The following RASIP1 variants were observed in gnomAD, a reference collection of about 807,000 sequenced individuals.
RASIP1 encodes the protein ras-interacting protein 1.
RASIP1 carries 20 observed loss-of-function variants against 85.3 expected under a neutral mutation model. The observed-to-expected ratio is 0.23, with a 90% confidence interval of 0.17 to 0.34. The LOEUF (loss-of-function observed/expected upper bound fraction) is 0.34, where lower values mean the gene tolerates loss of function less well. Ranked by LOEUF, RASIP1 falls within the 10% of genes least tolerant of loss-of-function variation. The pLI, the probability that RASIP1 is intolerant of heterozygous loss-of-function variation, is 1.00. For missense variants in RASIP1, 1,170 were observed against 1,390.9 expected, an observed-to-expected ratio of 0.84 and a Z score of 2.53; for synonymous variants, 617 against 647.1, an observed-to-expected ratio of 0.95 and a Z score of 0.71.
At position 48,735,793 on chromosome 19, in the gene RASIP1, C is replaced by CTT. The variant is rs113487965; in HGVS notation, c.824-244_824-243dup. 2.6e-3 allele frequency among the ~76,000 whole-genome samples: 383 copies of CTT among 145,316 alleles called. 2 individuals carry two copies. Among genetic ancestry groups the CTT allele is most frequent in the African/African-American group, 8.8e-3 (351 of 39,886 alleles). ...CTTTTCCATTGAATCATTTGTTCTT[C>CTT]TTTTTTTTTTTTTTTATTTCAATAC... On this transcript the variant is annotated intron_variant, in intron 3 of 11. Coordinates refer to ENST00000222145, the MANE Select transcript of RASIP1 (RefSeq NM_017805.3).
At chr19:48,725,837 T>C (rs1215747551) in intron 8 of RASIP1, among the ~76,000 whole-genome samples, 1 of 152,140 alleles carries the variant, frequency 6.6e-6, no homozygotes, top group African/African-American at 2.4e-5. Flanking sequence ...ACTTAGAAAG[T>C]GGGAGATTCA....
At chr19:48,737,585 C>G (rs2033596017) in intron 3 of RASIP1, 2 of 985,458 alleles carry the variant, frequency 2.0e-6, no homozygotes, top group Admixed American at 6.1e-5. Context: ...AGCGGCTCCG[C>G]CCATCTTAGT....
intron 3 of RASIP1, 68 bp from the exon 4 acceptor site, chr19:48,735,619 A>G (rs971205937): frequency 7.1e-7 from 1 of 1,399,424 alleles, no homozygotes; most frequent in Non-Finnish European, 9.4e-7. Context: ...GCTGCAGATT[A>G]TGAGACAAAG....
In RASIP1 at chr19:48,738,879, C is replaced by CA; in HGVS notation, c.823+80dup. ...GCCCCCAGCCAGCCCGCGAGTCCCA[C>CA]AAGCCCCGCCCAGGCCCCGCCCCAC... On this transcript the variant is annotated intron_variant, in intron 3 of 11. Transcript: ENST00000222145. The surrounding 1 kb of genome is among the most constrained non-coding windows in gnomAD (Gnocchi z 4.0). The CA allele has an allele frequency of 9.0e-7, 1 of 1,107,120 alleles. No homozygotes were observed. The highest frequency in any genetic ancestry group is 1.1e-6 in the Non-Finnish European group (1 of 895,516). 68.6% of individuals were successfully genotyped at this position (1,107,120 alleles called of 1,614,324 possible).
Position 48,738,892 on chromosome 19 carries a change from G to A in RASIP1, c.823+68C>T. 1.3e-5 allele frequency: 7 copies of A among 549,120 alleles called. No individual in the cohort carries two copies. Among genetic ancestry groups the A allele is most frequent in the Non-Finnish European group, 1.5e-5 (7 of 455,120 alleles). The allele number at this position is 549,120 out of a possible 1,614,324, so 34.0% of individuals were successfully genotyped here. A position where few individuals can be genotyped will look rare whatever the true frequency, so the allele number is the denominator to read the frequency against. ...CCGCGAGTCCCACAAGCCCCGCCCA[G>A]GCCCCGCCCCACGGACCCCGCCTCT... On this transcript the variant is annotated intron_variant, in intron 3 of 11. Transcript: ENST00000222145. This position sits in a 1 kb window ranked among gnomAD's most constrained non-coding sequence, Gnocchi z 4.0.
At chr19:48,727,716 C>A (rs1335955154) in intron 5 of RASIP1, among the ~76,000 whole-genome samples, 4 of 135,506 alleles carry the variant, frequency 3.0e-5, no homozygotes, top group African/African-American at 1.1e-4. Context: ...GATGGAGTTA[C>A]CCTGTTGTTG....
chr19:48,731,749 A>G (rs2033462502), intron 4 of RASIP1, among the ~76,000 whole-genome samples: 1 of 152,006 alleles, frequency 6.6e-6, no homozygotes, highest in African/African-American at 2.4e-5. Flanking sequence ...AAAGACTCCT[A>G]CCTCCAAAAG....
chr19:48,736,600 T>A (rs392775), intron 3 of RASIP1, among the ~76,000 whole-genome samples: 140,279 of 152,174 alleles, frequency 0.92, 64,815 homozygotes, highest in Middle Eastern at 0.98. Context: ...TGGACCCAGC[T>A]GGAACCCTGG....
chr19:48,730,143 C>T (rs1389673776), intron 4 of RASIP1, among the ~76,000 whole-genome samples: 1 of 151,514 alleles, frequency 6.6e-6, no homozygotes, highest in Middle Eastern at 3.2e-3. Flanking sequence ...ACACCCATCC[C>T]GAAGACCGGC....
intron 4 of RASIP1, among the ~76,000 whole-genome samples, chr19:48,732,792 T>G (rs1011707850): frequency 2.0e-5 from 3 of 152,204 alleles, no homozygotes; most frequent in Admixed American, 6.5e-5. Context: ...AGCTCTTTCC[T>G]GAAGAGAGTC....
Position 48,724,214 on chromosome 19 carries a change from A to G in RASIP1, c.2544+123T>C, listed in dbSNP as rs2033302003. The G allele has an allele frequency of 3.9e-6, 4 of 1,022,450 alleles. No homozygotes were observed. Among genetic ancestry groups the G allele is most frequent in the Non-Finnish European group, 5.7e-6 (4 of 705,102 alleles). The allele number at this position is 1,022,450 out of a possible 1,614,324, so 63.3% of individuals were successfully genotyped here. On this transcript the variant is annotated intron_variant, in intron 10 of 11. Coordinates refer to ENST00000222145, the MANE Select transcript of RASIP1 (RefSeq NM_017805.3). This position sits in a 1 kb window ranked among gnomAD's most constrained non-coding sequence, Gnocchi z 4.6. ...GCCAATGTGTTACCCACAGTGTCTG[A>G]GCTGGGGCTGGGGATGGCATGGGGT...
At position 48,735,357 on chromosome 19, in the gene RASIP1, G is replaced by C; in HGVS notation, c.1018C>G (p.Gln340Glu). ...CTAAGTGCCTGCTGTCTCCGCTCCT[G>C]CTGCCGCCGCCGCCGCCCCTGAAGG... Reference protein sequence around the residue: ...LSLQGRRRRQQERRQQALSMA... With the variant: ...LSLQGRRRRQEERRQQALSMA... Residue 340 changes from glutamine to glutamate, a missense_variant, in exon 4 of 12, where the codon CAG becomes GAG. Coordinates refer to ENST00000222145, the MANE Select transcript of RASIP1 (RefSeq NM_017805.3). 6.2e-7 allele frequency: 1 copy of C among 1,612,690 alleles called. No individual in the cohort carries two copies. The highest frequency in any genetic ancestry group is 1.1e-5 in the South Asian group (1 of 91,052).
In RASIP1 at chr19:48,738,870, C is replaced by G. The variant is rs1217653133; in HGVS notation, c.823+90G>C. 1.8e-6 allele frequency: 2 copies of G among 1,082,214 alleles called. No homozygotes were observed. The highest frequency in any genetic ancestry group is 3.3e-5 in the African/African-American group (2 of 60,110). The allele number at this position is 1,082,214 out of a possible 1,614,324, so 67.0% of individuals were successfully genotyped here. ...GCGGGCCCCGCCCCCAGCCAGCCCG[C>G]GAGTCCCACAAGCCCCGCCCAGGCC... On this transcript the variant is annotated intron_variant, in intron 3 of 11. Transcript: ENST00000222145. This position sits in a 1 kb window ranked among gnomAD's most constrained non-coding sequence, Gnocchi z 4.0.
At chr19:48,732,132 T>G (rs2033470210) in intron 4 of RASIP1, among the ~76,000 whole-genome samples, 1 of 151,762 alleles carries the variant, frequency 6.6e-6, no homozygotes, top group African/African-American at 2.4e-5. Context: ...AGTGGCATTA[T>G]CTTGGTTCAC....
Position 48,739,105 on chromosome 19 carries a change from C to T in RASIP1, c.678G>A (p.Leu226=). 7.5e-7 allele frequency: 1 copy of T among 1,326,914 alleles called. No homozygotes were observed. Among genetic ancestry groups the T allele is most frequent in the East Asian group, 3.2e-5 (1 of 31,632 alleles). The allele number at this position is 1,326,914 out of a possible 1,614,324, so 82.2% of individuals were successfully genotyped here. ...VGSGEWRAEH[L]RVLGDSERPL... ...GGCGCTCGGAGTCGCCCAGCACGCG[C>T]AGGTGCTCCGCCCGCCACTCGCCGC... The change falls in exon 3 of 12, where the codon CTG becomes CTA. Residue 226 remains leucine (L), a synonymous_variant. Transcript: ENST00000222145. This position sits in a 1 kb window ranked among gnomAD's most constrained non-coding sequence, Gnocchi z 9.2.
At chr19:48,733,776 C>T (rs544877379) in intron 4 of RASIP1, among the ~76,000 whole-genome samples, 1 of 146,244 alleles carries the variant, frequency 6.8e-6, no homozygotes, top group South Asian at 2.2e-4. Context: ...CACTGCAGTC[C>T]GGCTGGGTGA....
chr19:48,727,121 C>T lies in RASIP1; in HGVS notation c.1909G>A (p.Glu637Lys), dbSNP rs760442322. Reference protein sequence around the residue: ...EGVPEVPLTPEAVSVELRPLM... With the variant: ...EGVPEVPLTPKAVSVELRPLM... Reference sequence around the variant, plus strand: ...GGCCGCAGCTCCACAGACACAGCTTCAGGAGTCAGGGGCACCTCGGGGACC... The same window carrying T: ...GGCCGCAGCTCCACAGACACAGCTTTAGGAGTCAGGGGCACCTCGGGGACC... Residue 637 changes from glutamate (E) to lysine (K), a missense_variant, in exon 7 of 12, where the codon GAA (glutamate) becomes AAA (lysine). Around this residue, in one of 4 missense-constraint regions of RASIP1, gnomAD observed 426 missense variants for 576.2 expected, o/e 0.74. Coordinates refer to ENST00000222145, the MANE Select transcript of RASIP1 (RefSeq NM_017805.3). 1.9e-6 allele frequency: 3 copies of T among 1,614,038 alleles called. No individual in the cohort carries two copies. The highest frequency in any genetic ancestry group is 2.7e-5 in the African/African-American group (2 of 74,924).
At chr19:48,725,054 A>T (rs2033318886) in intron 8 of RASIP1, 94 bp from the exon 9 acceptor site, 2 of 1,466,422 alleles carry the variant, frequency 1.4e-6, no homozygotes, top group Non-Finnish European at 1.8e-6. Context: ...GAGCTCCACC[A>T]AAGTCTTCTG....
At chr19:48,734,290 G>A (rs12979144) in intron 4 of RASIP1, among the ~76,000 whole-genome samples, 63,491 of 149,616 alleles carry the variant, frequency 0.42, 14,186 homozygotes, top group East Asian at 0.83. Flanking sequence ...GAGAGACTCC[G>A]ACAAAAAAAA....
Sources: allele counts gnomAD v4.1 joint callset (sites outside exome capture counted in the v4.1 genomes callset), GRCh38; gene constraint gnomAD v4.1.1; regional missense constraint gnomAD v4.1.1; non-coding constraint Gnocchi (gnomAD v3.1); transcripts MANE v1.5; gene names NCBI Gene and HGNC (gene_info 2026-07-23, HGNC 2026-07-21).